NPM1: variants seen among roughly 807,000 people sequenced by gnomAD.
NPM1 encodes the protein nucleophosmin.
Under a neutral mutation model 44.1 loss-of-function variants are expected in NPM1, and 1 was observed. The ratio of observed to expected loss-of-function variants is 0.02; its 90% CI spans 0.01 to 0.11. The LOEUF (loss-of-function observed/expected upper bound fraction) is 0.11. Among genes scored for constraint, NPM1 ranks in the 10% least tolerant of loss-of-function variants. NPM1 has a pLI of 1.00. For synonymous variants in NPM1, 126 were observed against 111.8 expected, an observed-to-expected ratio of 1.13 and a Z score of -0.80; for missense variants, 197 against 347.8, an observed-to-expected ratio of 0.57 and a Z score of 3.45.
intron 8 of NPM1, among the ~76,000 whole-genome samples, chr5:171,404,172 C>T (rs1278762784): frequency 3.0e-3 from 225 of 75,398 alleles, no homozygotes; most frequent in East Asian, 6.4e-3. Context: ...CACGGCTGGC[C>T]GGTCGGGGGG....
rs145268637 is a variant in NPM1 at position 171,388,475 on chromosome 5, G to T, written c.58+469G>T. On this transcript the variant is annotated intron_variant, in intron 1 of 10. Transcript: ENST00000296930. Reference sequence around the variant, plus strand: ...AGCCTGGCGTTATTCTGGCCTCAGAGCCTGGAGCTGCCGGACGTAGACTTA... The same window carrying T: ...AGCCTGGCGTTATTCTGGCCTCAGATCCTGGAGCTGCCGGACGTAGACTTA... Among the ~76,000 whole-genome samples, 7 of 152,218 alleles carry T rather than the reference G, an allele frequency of 4.6e-5. No homozygotes were observed. The East Asian group carries it at 1.2e-3, about 25-fold the overall frequency.
At chr5:171,399,529 G>T (rs1017510237) in intron 6 of NPM1, among the ~76,000 whole-genome samples, 1 of 152,170 alleles carries the variant, frequency 6.6e-6, no homozygotes, top group African/African-American at 2.4e-5. Flanking sequence ...GAGACACTGT[G>T]CCAGTTCTTG....
At chr5:171,400,946 G>A (rs1176877314) in intron 8 of NPM1, 21 bp downstream of exon 8, 6 of 1,496,686 alleles carry the variant, frequency 4.0e-6, no homozygotes, top group South Asian at 2.3e-5. Context: ...ACATTTACAC[G>A]TGGGTCTCAT....
At chr5:171,388,117 C>A in intron 1 of NPM1, 111 bp downstream of exon 1, 2 of 966,214 alleles carry the variant, frequency 2.1e-6, no homozygotes, top group Non-Finnish European at 1.6e-6. Context: ...ACCGCCAGAC[C>A]GACGGGAGGC....
intron 3 of NPM1, 95 bp downstream of exon 3, chr5:171,391,519 G>A (rs1770577404): frequency 6.7e-7 from 1 of 1,499,140 alleles, no homozygotes; most frequent in African/African-American, 1.4e-5. Context: ...GAGATAGAAA[G>A]TGGTTCTTTA....
intron 6 of NPM1, 31 bp from the exon 7 acceptor site, chr5:171,400,122 A>T: frequency 1.5e-6 from 2 of 1,327,790 alleles, no homozygotes; most frequent in Non-Finnish European, 2.2e-6. Context: ...AAATTTTGAA[A>T]GTGCTTAATG....
intron 6 of NPM1, among the ~76,000 whole-genome samples, chr5:171,397,449 C>A (rs1044149726): frequency 6.6e-6 from 1 of 152,172 alleles, no homozygotes; most frequent in Non-Finnish European, 1.5e-5. Flanking sequence ...TTTCACTACA[C>A]CCTCACTTGC....
chr5:171,400,172 G>T lies in NPM1; in HGVS notation c.544G>T (p.Asp182Tyr). 1 of 1,596,990 alleles carries T rather than the reference G, an allele frequency of 6.3e-7. No homozygotes were observed. Among genetic ancestry groups the T allele is most frequent in the Non-Finnish European group, 8.6e-7 (1 of 1,164,714 alleles). ...DDEDDDDDDF[D>Y]DEEAEEKAPV... Reference sequence around the variant, plus strand: ...TTGTAGTGATGATGATGATGATTTTGATGATGAGGAAGCTGAAGAAAAAGC... The same window carrying T: ...TTGTAGTGATGATGATGATGATTTTTATGATGAGGAAGCTGAAGAAAAAGC... The change falls in exon 7 of 11, where the codon GAT (aspartate) becomes TAT (tyrosine). Residue 182 changes from aspartate (D) to tyrosine (Y), a missense_variant. By Grantham distance (160) the Asp-to-Tyr change is radical. Coordinates refer to ENST00000296930, the MANE Select transcript of NPM1 (RefSeq NM_002520.7).
chr5:171,403,921 C>G lies in NPM1; in HGVS notation c.670-1381C>G, dbSNP rs1771405689. ...CCGGCCAGGCGGGGGGCTTACCCCC[C>G]CACCTCCCTCCCGGACGGGGCGGCT... On this transcript the variant is annotated intron_variant, in intron 8 of 10. Coordinates refer to ENST00000296930, the MANE Select transcript of NPM1 (RefSeq NM_002520.7). Among the ~76,000 whole-genome samples the G allele has an allele frequency of 2.7e-5, 2 of 72,802 alleles. 1 individual carries two copies. Among genetic ancestry groups the G allele is most frequent in the South Asian group, 1.3e-3 (2 of 1,492 alleles). 47.8% of individuals were successfully genotyped at this position (72,802 alleles called of 152,430 possible).
At chr5:171,399,106 C>T (rs1263991919) in intron 6 of NPM1, among the ~76,000 whole-genome samples, 1 of 152,186 alleles carries the variant, frequency 6.6e-6, no homozygotes. Flanking sequence ...GTCTCGGCCT[C>T]CTAAAAAGTG....
intron 7 of NPM1, among the ~76,000 whole-genome samples, chr5:171,400,459 CCTT>C (rs1488858152): frequency 1.5e-5 from 2 of 131,332 alleles, no homozygotes; most frequent in African/African-American, 5.8e-5. Flanking sequence ...CTTTTTCCTT[CCTT>C]TTTTTTTTTT....
At chr5:171,394,690 T>A (rs1001469024) in intron 6 of NPM1, among the ~76,000 whole-genome samples, 1 of 152,126 alleles carries the variant, frequency 6.6e-6, no homozygotes, top group Non-Finnish European at 1.5e-5. Flanking sequence ...AAAACACAAA[T>A]TAGAAATAGG....
At chr5:171,400,729 A>T in intron 7 of NPM1, 110 bp from the exon 8 acceptor site, 1 of 693,210 alleles carries the variant, frequency 1.4e-6, no homozygotes. Context: ...TACAGGCATG[A>T]GCCACCACGC....
intron 10 of NPM1, among the ~76,000 whole-genome samples, chr5:171,409,828 G>GT (rs1311507589): frequency 2.8e-4 from 1 of 3,536 alleles, no homozygotes; most frequent in Non-Finnish European, 5.0e-4. Context: ...TTGTTGGTTT[G>GT]TTTTTTGTTT....
At chr5:171,390,668 C>T (rs1770525501) in intron 2 of NPM1, among the ~76,000 whole-genome samples, 1 of 151,876 alleles carries the variant, frequency 6.6e-6, no homozygotes, top group East Asian at 1.9e-4. Flanking sequence ...ACAGATGGAT[C>T]GCATATACAA....
intron 8 of NPM1, among the ~76,000 whole-genome samples, chr5:171,403,567 T>G: frequency 9.1e-6 from 1 of 109,474 alleles, no homozygotes; most frequent in East Asian, 3.0e-4. Context: ...GGCTCCTCAC[T>G]TCCCAGTAGG....
At chr5:171,388,650 C>T (rs1354542528) in intron 1 of NPM1, among the ~76,000 whole-genome samples, 5 of 152,142 alleles carry the variant, frequency 3.3e-5, no homozygotes, top group Non-Finnish European at 7.4e-5. Context: ...TGTTGCCACT[C>T]GTGAGCCAGG....
At chr5:171,407,528 G>A in intron 9 of NPM1, 172 bp from the exon 10 acceptor site, 1 of 618,818 alleles carries the variant, frequency 1.6e-6, no homozygotes, top group East Asian at 2.9e-5. Context: ...TAGCCATGCT[G>A]CCCAATAGGG....
At chr5:171,391,869 G>A in intron 4 of NPM1, 70 bp downstream of exon 4, 1 of 894,906 alleles carries the variant, frequency 1.1e-6, no homozygotes, top group Non-Finnish European at 1.8e-6. Context: ...TCCCAGTTTG[G>A]ACTTAAAGCA....
Sources: allele counts gnomAD v4.1 joint callset (sites outside exome capture counted in the v4.1 genomes callset), GRCh38; gene constraint gnomAD v4.1.1; transcripts MANE v1.5; gene names NCBI Gene and HGNC (gene_info 2026-07-23, HGNC 2026-07-21).